Variants in RNF128 observed in about 807,000 individuals in gnomAD.
The protein encoded by RNF128 is E3 ubiquitin-protein ligase RNF128.
Under a neutral mutation model 26.2 loss-of-function variants are expected in RNF128, and 13 were observed. That is an observed-to-expected ratio of 0.50 (90% confidence interval 0.32 to 0.79). The LOEUF (loss-of-function observed/expected upper bound fraction) is 0.79. Ranked by LOEUF, RNF128 falls within the 30% of genes least tolerant of loss-of-function variation. The pLI is 0.03. For missense variants in RNF128, 315 were observed against 349.7 expected (o/e 0.90, Z 0.79); for synonymous variants, 149 against 142.5 (o/e 1.05, Z -0.32).
At chrX:106,737,266 G>A (rs1173060231) in intron 1 of RNF128, among the ~76,000 whole-genome samples, 1 of 109,675 alleles carries the variant, frequency 9.1e-6, no homozygotes, top group Non-Finnish European at 1.9e-5. Flanking sequence ...GGGTACATGT[G>A]CACAATATGC....
intron 2 of RNF128, among the ~76,000 whole-genome samples, chrX:106,776,715 G>A (rs1255032066): frequency 2.7e-5 from 3 of 111,425 alleles, no homozygotes; most frequent in East Asian, 5.6e-4. Flanking sequence ...CAAATTTATG[G>A]AATTTTTTTT....
chrX:106,724,484 C>T (rs745940581), upstream of RNF128, among the ~76,000 whole-genome samples: 54 of 111,474 alleles, frequency 4.8e-4, no homozygotes, highest in Non-Finnish European at 5.7e-5. Context: ...CTAGCTTTAC[C>T]CAAAGGACTC....
intron 1 of RNF128, among the ~76,000 whole-genome samples, chrX:106,765,758 G>A (rs947424994): frequency 3.6e-5 from 4 of 110,855 alleles, no homozygotes; most frequent in Non-Finnish European, 7.6e-5. Context: ...GGCTACATGT[G>A]CACAACATGC....
rs1037713430 is a variant in RNF128 at position 106,752,187 on chromosome X, A to G, written c.485-20726A>G. 7.2e-5 allele frequency among the ~76,000 whole-genome samples: 8 copies of G among 111,070 alleles called. No individual in the cohort carries two copies. In the Admixed American group the frequency reaches 7.6e-4, roughly 11 times the overall value. ...GCTGGATTCACCACCTGCTGATTAA[A>G]GAACCCTTGGGCCTTGAACAAACAG... On this transcript the variant is annotated intron_variant, in intron 1 of 6. Transcript: ENST00000255499.
At chrX:106,736,768 A>G (rs1248657274) in intron 1 of RNF128, among the ~76,000 whole-genome samples, 1 of 112,028 alleles carries the variant, frequency 8.9e-6, no homozygotes, top group Non-Finnish European at 1.9e-5. Context: ...TTAAATAATA[A>G]TTTATATTTG....
At chrX:106,722,603 A>G (rs1231663550), upstream of RNF128, among the ~76,000 whole-genome samples, 1 of 112,031 alleles carries the variant, frequency 8.9e-6, no homozygotes, top group Non-Finnish European at 1.9e-5. Flanking sequence ...GTCATGATCT[A>G]CAATCTGGTT....
rs1486837252 is a variant in RNF128 at position 106,705,309 on chromosome X, A to T, written c.406+10901A>T. ...TGAAAAATTATTTGGGGCTCTTTTA[A>T]TAAATCAAATGGCTGGAAAATGATC... On this transcript the variant is annotated intron_variant, in intron 1 of 6. Transcript: ENST00000324342. Among the ~76,000 whole-genome samples, 3 of 112,027 alleles carry T rather than the reference A, an allele frequency of 2.7e-5. No individual in the cohort carries two copies. The Admixed American group carries it at 2.8e-4, about 11-fold the overall frequency.
At chrX:106,736,498 T>A (rs1020459407) in intron 1 of RNF128, among the ~76,000 whole-genome samples, 2 of 111,640 alleles carry the variant, frequency 1.8e-5, no homozygotes, top group Admixed American at 1.9e-4. Context: ...ATTTTGTGCT[T>A]CCTTCTATGT....
At chrX:106,750,312 A>G (rs1428773003) in intron 1 of RNF128, among the ~76,000 whole-genome samples, 2 of 112,258 alleles carry the variant, frequency 1.8e-5, no homozygotes, top group Non-Finnish European at 3.8e-5. Context: ...ACAGTTAAAT[A>G]ACAGCTTTAG....
At chrX:106,759,558 A>T (rs1308121726) in intron 1 of RNF128, among the ~76,000 whole-genome samples, 1 of 112,169 alleles carries the variant, frequency 8.9e-6, no homozygotes, top group Non-Finnish European at 1.9e-5. Flanking sequence ...AGACAAATGG[A>T]TAAAGAAAAT....
At chrX:106,789,086 G>GTA (rs771285592) in intron 4 of RNF128, among the ~76,000 whole-genome samples, 88 of 81,309 alleles carry the variant, frequency 1.1e-3, no homozygotes, top group Middle Eastern at 0.019. Context: ...ATACTATATA[G>GTA]TATATAGTAT....
intron 1 of RNF128, among the ~76,000 whole-genome samples, chrX:106,768,004 T>G (rs1034241220): frequency 8.9e-6 from 1 of 111,975 alleles, no homozygotes; most frequent in Non-Finnish European, 1.9e-5. Flanking sequence ...TCTGTTTATA[T>G]GATGGATTAC....
intron 1 of RNF128, among the ~76,000 whole-genome samples, chrX:106,718,939 T>C (rs989646922): frequency 2.7e-5 from 3 of 111,777 alleles, no homozygotes; most frequent in African/African-American, 6.5e-5. Context: ...GTTTGAGTCC[T>C]GTGCAGCTGC....
chrX:106,705,792 A>T (rs1375624139), intron 1 of RNF128, among the ~76,000 whole-genome samples: 1 of 111,992 alleles, frequency 8.9e-6, no homozygotes, highest in Non-Finnish European at 1.9e-5. Flanking sequence ...ATGTAGTACC[A>T]TTTCAACCAT....
chrX:106,794,645 G>A (rs1158824807), intron 6 of RNF128, among the ~76,000 whole-genome samples: 1 of 110,170 alleles, frequency 9.1e-6, no homozygotes, highest in Non-Finnish European at 1.9e-5. Context: ...TTGCTACCGG[G>A]GTGTCATTGC....
At chrX:106,762,654 T>A (rs994199780) in intron 1 of RNF128, among the ~76,000 whole-genome samples, 3 of 110,949 alleles carry the variant, frequency 2.7e-5, no homozygotes, top group African/African-American at 9.8e-5. Flanking sequence ...CAAGGACACA[T>A]GTGTTGGTTT....
At chrX:106,780,045 GA>G (rs1415461073) in intron 2 of RNF128, among the ~76,000 whole-genome samples, 1 of 111,251 alleles carries the variant, frequency 9.0e-6, no homozygotes, top group African/African-American at 3.3e-5. Context: ...CTTAAGTACA[GA>G]AAAATCTAGT....
chrX:106,704,221 G>T (rs1929004398), intron 1 of RNF128, among the ~76,000 whole-genome samples: 1 of 109,925 alleles, frequency 9.1e-6, no homozygotes, highest in Non-Finnish European at 1.9e-5. Flanking sequence ...AGATCACGAG[G>T]TCAGGAGATC....
chrX:106,730,861 G>A (rs191519482), intron 1 of RNF128, among the ~76,000 whole-genome samples: 38 of 111,723 alleles, frequency 3.4e-4, no homozygotes, highest in African/African-American at 1.2e-3. Flanking sequence ...TGATTTGGGG[G>A]TCTCCAATGG....
Sources: allele counts gnomAD v4.1 joint callset (sites outside exome capture counted in the v4.1 genomes callset), GRCh38; gene constraint gnomAD v4.1.1; transcripts MANE v1.5; gene names NCBI Gene and HGNC (gene_info 2026-07-23, HGNC 2026-07-21).